ARHGAP12: variants seen among roughly 807,000 people sequenced by gnomAD.
ARHGAP12 encodes the protein rho GTPase-activating protein 12.
Under a neutral mutation model 108.6 loss-of-function variants are expected in ARHGAP12, and 64 were observed. That is an observed-to-expected ratio of 0.59 (90% confidence interval 0.48 to 0.73). The LOEUF is 0.73. ARHGAP12 is among the 30% of genes least tolerant of loss of function. ARHGAP12 has a pLI of 0.00. For synonymous variants in ARHGAP12, 312 were observed against 337.2 expected (o/e 0.93, Z 0.82); for missense variants, 940 against 1,005.9 (o/e 0.93, Z 0.89).
At chr10:31,899,796 G>A (rs1375700690) in intron 3 of ARHGAP12, among the ~76,000 whole-genome samples, 5 of 152,210 alleles carry the variant, frequency 3.3e-5, no homozygotes, top group African/African-American at 9.6e-5. Flanking sequence ...AAAAATCTAG[G>A]TGACTTTTGG....
At position 31,908,350 on chromosome 10, in the gene ARHGAP12, G is replaced by C; in HGVS notation, c.506C>G (p.Ser169Cys). Reference protein sequence around the residue: ...FNNDSHSPKVSSQNRTRSFGH... With the variant: ...FNNDSHSPKVCSQNRTRSFGH... ...AAATGAGCGTGTCCTATTCTGGCTG[G>C]AAACTTTAGGAGAATGTGAGTCATT... The change falls in exon 3 of 20, where the codon TCC (serine) becomes TGC (cysteine). Residue 169 changes from serine (S) to cysteine (C), a missense_variant. Coordinates refer to ENST00000344936, the MANE Select transcript of ARHGAP12 (RefSeq NM_018287.7). 2 of 1,614,160 alleles carry C rather than the reference G, an allele frequency of 1.2e-6. No homozygotes were observed. Among genetic ancestry groups the C allele is most frequent in the Non-Finnish European group, 1.7e-6 (2 of 1,180,046 alleles).
chr10:31,849,536 A>G (rs71491491), intron 6 of ARHGAP12, among the ~76,000 whole-genome samples: 1 of 152,212 alleles, frequency 6.6e-6, no homozygotes, highest in Admixed American at 6.5e-5. Context: ...ACTTACTAGT[A>G]AGTATTAAGT....
chr10:31,889,963 A>T (rs1838350679), intron 3 of ARHGAP12, among the ~76,000 whole-genome samples: 1 of 152,122 alleles, frequency 6.6e-6, no homozygotes, highest in Non-Finnish European at 1.5e-5. Flanking sequence ...TGAAATTCTC[A>T]TACATACTTG....
At chr10:31,878,141 T>C (rs1192385811) in intron 3 of ARHGAP12, among the ~76,000 whole-genome samples, 1 of 152,202 alleles carries the variant, frequency 6.6e-6, no homozygotes, top group African/African-American at 2.4e-5. Context: ...CATAATCTTC[T>C]TTAAATTATG....
At chr10:31,917,361 G>A (rs1035185994) in intron 1 of ARHGAP12, among the ~76,000 whole-genome samples, 6 of 152,170 alleles carry the variant, frequency 3.9e-5, no homozygotes, top group Middle Eastern at 3.4e-3. Flanking sequence ...AGCCAAGATC[G>A]CACCACTGCA....
chr10:31,817,864 T>A lies in ARHGAP12; in HGVS notation c.1655A>T (p.Glu552Val). 6.2e-7 allele frequency: 1 copy of A among 1,612,780 alleles called. No individual in the cohort carries two copies. Among genetic ancestry groups the A allele is most frequent in the Non-Finnish European group, 8.5e-7 (1 of 1,179,526 alleles). Residue 552 changes from glutamate (E) to valine (V), a missense_variant, in exon 13 of 20, where the codon GAA (glutamate) becomes GTA (valine). Glu to Val is a moderately radical substitution (Grantham distance 121). Coordinates refer to ENST00000344936, the MANE Select transcript of ARHGAP12 (RefSeq NM_018287.7). ...VFELKTRQGT[E>V]LLIQSDNDTV... ...GTCATTGTCAGACTGAATTAGCAGT[T>A]CTGTTCCTTGACGAGTTTTCAGCTT...
chr10:31,824,989 G>A (rs1310593716), intron 11 of ARHGAP12, among the ~76,000 whole-genome samples: 1 of 152,038 alleles, frequency 6.6e-6, no homozygotes, highest in South Asian at 2.1e-4. Context: ...GTTTCACCTC[G>A]AGGAAAAGGA....
In ARHGAP12 at chr10:31,908,503, T is replaced by C; in HGVS notation, c.353A>G (p.Lys118Arg). The C allele has an allele frequency of 1.9e-6, 3 of 1,614,244 alleles. No homozygotes were observed. Among genetic ancestry groups the C allele is most frequent in the Non-Finnish European group, 2.5e-6 (3 of 1,180,034 alleles). ...TGTTCCTTGAACAGATGACGATGGC[T>C]TTCCGAAACTTGAAAGCTCAGGCAA... The part of the protein sequence containing the change: ...NKLPELSSFG[K>R]PSSSVQGTGL... Residue 118 changes from lysine to arginine, a missense_variant, in exon 3 of 20, where the codon AAG (lysine) becomes AGG (arginine). Lys to Arg is a conservative substitution (Grantham distance 26). Coordinates refer to ENST00000344936, the MANE Select transcript of ARHGAP12 (RefSeq NM_018287.7).
chr10:31,844,796 A>C (rs1836391445), intron 6 of ARHGAP12, among the ~76,000 whole-genome samples: 1 of 149,658 alleles, frequency 6.7e-6, no homozygotes, highest in South Asian at 2.1e-4. Context: ...ATTCCAACTT[A>C]ATTACCATAG....
At chr10:31,870,416 G>A (rs1564401760) in intron 3 of ARHGAP12, among the ~76,000 whole-genome samples, 1 of 151,936 alleles carries the variant, frequency 6.6e-6, no homozygotes, top group Non-Finnish European at 1.5e-5. Flanking sequence ...TTTTAGTAGA[G>A]ACTGGGTTTC....
At chr10:31,862,696 G>GCACA (rs969804958) in intron 3 of ARHGAP12, among the ~76,000 whole-genome samples, 17 of 122,264 alleles carry the variant, frequency 1.4e-4, no homozygotes, top group East Asian at 9.8e-4. Flanking sequence ...AGTGGCGCAT[G>GCACA]CACACACAGA....
intron 3 of ARHGAP12, among the ~76,000 whole-genome samples, chr10:31,881,266 A>T (rs192727524): frequency 4.9e-4 from 74 of 152,186 alleles, no homozygotes; most frequent in African/African-American, 1.7e-3. Context: ...TATCATGTTA[A>T]AAAAAAACAA....
intron 10 of ARHGAP12, among the ~76,000 whole-genome samples, chr10:31,831,413 G>A (rs1835828957): frequency 6.6e-6 from 1 of 152,018 alleles, no homozygotes; most frequent in Non-Finnish European, 1.5e-5. Context: ...AATGCCGGCT[G>A]GGGGATTGAC....
chr10:31,880,608 T>C (rs527866259), intron 3 of ARHGAP12, among the ~76,000 whole-genome samples: 153 of 152,270 alleles, frequency 1.0e-3, no homozygotes, highest in African/African-American at 3.4e-3. Flanking sequence ...CCTAATAATA[T>C]CACTTCATGT....
intron 3 of ARHGAP12, among the ~76,000 whole-genome samples, chr10:31,899,861 ATTG>A (rs1247399279): frequency 6.6e-6 from 1 of 152,194 alleles, no homozygotes; most frequent in Non-Finnish European, 1.5e-5. Flanking sequence ...GAGAGAAATA[ATTG>A]TTTAGTTTTG....
chr10:31,843,396 C>G (rs773661020), intron 7 of ARHGAP12, 65 bp downstream of exon 7: 3 of 1,470,802 alleles, frequency 2.0e-6, no homozygotes, highest in Non-Finnish European at 1.8e-6. Context: ...AATATTAGTA[C>G]GAATAGTTAC....
intron 1 of ARHGAP12, among the ~76,000 whole-genome samples, chr10:31,917,735 T>C (rs555324125): frequency 6.6e-6 from 1 of 152,332 alleles, no homozygotes; most frequent in Admixed American, 6.5e-5. Flanking sequence ...AAAGTTCTAG[T>C]GTCAGACATC....
rs765913791 is a variant in ARHGAP12 at position 31,861,672 on chromosome 10, A to AT, written c.685-15dup. 6.4e-7 allele frequency: 1 copy of AT among 1,566,926 alleles called. No individual in the cohort carries two copies. ...AGGTGTGGTTGCCTGTGAAATAAAC[A>AT]TTTTTAAATTTCATGTTTAAACTGG... On this transcript the variant is annotated splice_polypyrimidine_tract_variant and intron_variant, in intron 3 of 19. Transcript: ENST00000344936.
At position 31,922,200 on chromosome 10, in the gene ARHGAP12, A is replaced by C. The variant is rs1379309814; in HGVS notation, c.-111+6483T>G. Among the ~76,000 whole-genome samples, 10 of 42,658 alleles carry C rather than the reference A, an allele frequency of 2.3e-4. 1 individual carries two copies. The highest frequency in any genetic ancestry group is 4.3e-4 in the Non-Finnish European group (7 of 16,226). The allele number at this position is 42,658 out of a possible 152,430, so 28.0% of individuals were successfully genotyped here. On this transcript the variant is annotated intron_variant, in intron 1 of 19. Transcript: ENST00000344936. ...TGCCTCAAAAAAAAAAAAAAAAAAAAAAAAAAAAAAAAAAAAAAGCACAGA... is the reference window on the plus strand; with the variant it reads ...TGCCTCAAAAAAAAAAAAAAAAAAACAAAAAAAAAAAAAAAAAAGCACAGA...
Sources: gnomAD v4.1 joint callset for allele counts (sites outside exome capture counted in the v4.1 genomes callset) on GRCh38, gnomAD v4.1.1 for gene constraint, MANE v1.5 for transcripts, NCBI Gene and HGNC (gene_info 2026-07-23, HGNC 2026-07-21) for gene names.